RFX6: variants seen among roughly 807,000 people sequenced by gnomAD.
RFX6 encodes the protein regulatory factor X6, also known as DNA-binding protein RFX6.
In RFX6, 50 loss-of-function variants were observed where a neutral mutation model predicts 110.8. That is an observed-to-expected ratio of 0.45 (90% CI 0.36 to 0.57). The LOEUF is 0.57. Among genes scored for constraint, RFX6 ranks in the 20% least tolerant of loss-of-function variants. RFX6 has a pLI of 0.00. For missense variants in RFX6, 990 were observed against 1,127.0 expected (o/e 0.88, Z 1.74); for synonymous variants, 383 against 411.2 (o/e 0.93, Z 0.83).
intron 14 of RFX6, chr6:116,923,501 A>G: frequency 2.3e-6 from 1 of 437,650 alleles, no homozygotes; most frequent in Non-Finnish European, 4.2e-6. Flanking sequence ...TACTTTGGTG[A>G]GATGATGTAT....
At chr6:116,925,312 A>T (rs1775686635) in intron 15 of RFX6, 141 bp from the exon 16 acceptor site, 2 of 799,688 alleles carry the variant, frequency 2.5e-6, no homozygotes, top group Non-Finnish European at 4.3e-6. Context: ...TGCCAACCTC[A>T]CTTCCCATGG....
chr6:116,879,537 G>C (rs1037326371), intron 2 of RFX6, among the ~76,000 whole-genome samples: 2 of 151,622 alleles, frequency 1.3e-5, no homozygotes, highest in African/African-American at 4.8e-5. Context: ...CCTGTTCAGG[G>C]AATACTTTCT....
rs200365812 is a variant in RFX6 at position 116,931,362 on chromosome 6, C to G, written c.2643C>G (p.Ser881=). 4 of 1,613,288 alleles carry G rather than the reference C, an allele frequency of 2.5e-6. No individual in the cohort carries two copies. Among genetic ancestry groups the G allele is most frequent in the East Asian group, 2.2e-5 (1 of 44,864 alleles). Residue 881 remains serine (S), a synonymous_variant, in exon 19 of 19, where the codon TCC becomes TCG. Coordinates refer to ENST00000332958, the MANE Select transcript of RFX6 (RefSeq NM_173560.4). ...GTTTGCAAACCCCAATTCCTTCTTC[C>G]TCATCCCAATGTATGTATGGAACTT... ...ASSLQTPIPS[S]SSQCMYGTSN...
chr6:116,890,148 G>A (rs934770971), intron 4 of RFX6, among the ~76,000 whole-genome samples: 2 of 152,096 alleles, frequency 1.3e-5, no homozygotes, highest in Admixed American at 6.6e-5. Context: ...TGCATCTTGA[G>A]TGTGGAGGCA....
At chr6:116,883,687 T>C (rs1774640725) in intron 4 of RFX6, among the ~76,000 whole-genome samples, 2 of 152,144 alleles carry the variant, frequency 1.3e-5, no homozygotes. Context: ...TTTCCTGTGC[T>C]TACCCCCACA....
chr6:116,927,743 CT>C lies in RFX6; in HGVS notation c.2398+223del, dbSNP rs60638457. Among the ~76,000 whole-genome samples, 1,088 of 119,502 alleles carry C rather than the reference CT, an allele frequency of 9.1e-3. 8 individuals are homozygous for C. Among genetic ancestry groups the C allele is most frequent in the African/African-American group, 0.029 (885 of 31,040 alleles). The allele number at this position is 119,502 out of a possible 152,430, so 78.4% of individuals were successfully genotyped here. ...GGCTTTCCTAAAGTTGCCCTTCTTCCTTTTTTTTTTTTTTTTTTTGAGACAA... is the reference window on the plus strand; with the variant it reads ...GGCTTTCCTAAAGTTGCCCTTCTTCCTTTTTTTTTTTTTTTTTTGAGACAA... On this transcript the variant is annotated intron_variant, in intron 17 of 18. Transcript: ENST00000332958.
rs369032666 is a variant in RFX6, at chr6:116,910,925, T to G, written c.673-10T>G. The G allele has an allele frequency of 6.3e-7, 1 of 1,594,078 alleles. No individual in the cohort carries two copies. Among genetic ancestry groups the G allele is most frequent in the African/African-American group, 1.3e-5 (1 of 74,478 alleles). On this transcript the variant is annotated splice_polypyrimidine_tract_variant and intron_variant, in intron 6 of 18. Coordinates refer to ENST00000332958, the MANE Select transcript of RFX6 (RefSeq NM_173560.4). ...AATGATGTATTTGTTTTCATTTTTC[T>G]AAATTATAGGGTGGCTTCACTCGTA... is the stretch of plus-strand genomic sequence containing the variant.
chr6:116,914,853 C>T (rs1775429513), intron 7 of RFX6, among the ~76,000 whole-genome samples: 2 of 152,174 alleles, frequency 1.3e-5, no homozygotes, highest in Admixed American at 1.3e-4. Context: ...TTTGTTAATT[C>T]ATTTAGTCTT....
intron 11 of RFX6, 89 bp from the exon 12 acceptor site, chr6:116,920,221 C>G (rs1339977476): frequency 2.0e-6 from 2 of 1,000,618 alleles, no homozygotes; most frequent in Non-Finnish European, 1.6e-6. Flanking sequence ...ACTTTTATCT[C>G]AAGGAACTAT....
intron 6 of RFX6, among the ~76,000 whole-genome samples, chr6:116,903,656 C>T (rs1000972920): frequency 3.3e-5 from 5 of 150,894 alleles, no homozygotes; most frequent in Admixed American, 6.6e-5. Flanking sequence ...CTCTCAACAA[C>T]ATATTGTTTA....
Position 116,877,481 on chromosome 6 carries a change from C to T in RFX6, c.206C>T (p.Pro69Leu), listed in dbSNP as rs1435450890. 6.4e-7 allele frequency: 1 copy of T among 1,559,438 alleles called. No individual in the cohort carries two copies. Among genetic ancestry groups the T allele is most frequent in the Non-Finnish European group, 8.7e-7 (1 of 1,151,236 alleles). The change falls in exon 1 of 19, where the codon CCG (proline) becomes CTG (leucine). Residue 69 changes from proline (P) to leucine (L), a missense_variant. Physicochemically the swap from Pro to Leu is moderately conservative, Grantham distance 98. Transcript: ENST00000332958. Reference sequence around the variant, plus strand: ...GAGAAAGGCGAAGACCCGGAGCTGCCGGGGGCAGTGAAATCAGGTGAGTGC... The same window carrying T: ...GAGAAAGGCGAAGACCCGGAGCTGCTGGGGGCAGTGAAATCAGGTGAGTGC... ...GGEKGEDPEL[P>L]GAVKSEMHLN...
intron 6 of RFX6, among the ~76,000 whole-genome samples, chr6:116,907,017 CTT>C (rs1208832343): frequency 2.0e-5 from 3 of 151,694 alleles, no homozygotes; most frequent in Non-Finnish European, 4.4e-5. Context: ...TCATAAACAA[CTT>C]TTATTATGTT....
At chr6:116,895,119 T>C (rs553652799) in intron 5 of RFX6, 61 bp from the exon 6 acceptor site, 202 of 868,738 alleles carry the variant, frequency 2.3e-4, no homozygotes, top group Non-Finnish European at 3.2e-4. Context: ...TGTCTACATA[T>C]CATTGAATGC....
intron 2 of RFX6, among the ~76,000 whole-genome samples, chr6:116,879,162 G>C (rs1774532603): frequency 6.6e-6 from 1 of 151,592 alleles, no homozygotes; most frequent in Non-Finnish European, 1.5e-5. Context: ...TTTCTTTTAT[G>C]AATAAATGTA....
intron 6 of RFX6, among the ~76,000 whole-genome samples, chr6:116,907,254 G>T (rs1554196400): frequency 6.6e-6 from 1 of 151,830 alleles, no homozygotes; most frequent in Non-Finnish European, 1.5e-5. Flanking sequence ...GTGGAATTTG[G>T]CTTACTAATA....
chr6:116,914,397 A>G (rs1775418878), intron 7 of RFX6, among the ~76,000 whole-genome samples: 1 of 152,174 alleles, frequency 6.6e-6, no homozygotes, highest in South Asian at 2.1e-4. Context: ...GGGAGAGCAG[A>G]TATCTCTCTT....
rs772322520 is a variant in RFX6, at chr6:116,928,965, G to C, written c.2605G>C (p.Val869Leu). 6 of 1,598,394 alleles carry C rather than the reference G, an allele frequency of 3.8e-6. No homozygotes were observed. The highest frequency in any genetic ancestry group is 4.3e-6 in the Non-Finnish European group (5 of 1,165,568). The change falls in exon 18 of 19, where the codon GTC becomes CTC. Residue 869 changes from valine (V) to leucine (L), a missense_variant. Val to Leu is a conservative substitution (Grantham distance 32). This residue lies in a region of RFX6 where 438 missense variants were observed against 441.9 expected (regional missense o/e 0.99). Coordinates refer to ENST00000332958, the MANE Select transcript of RFX6 (RefSeq NM_173560.4). ...TSSPVACRTP[V>L]LASSLQTPIP... is the part of the protein sequence containing the mutation. ...ATCTCCAGTTGCATGTCGAACTCCAGTCCTAGGTAAATTATTTTAGCAGTT... is the reference window on the plus strand; with the variant it reads ...ATCTCCAGTTGCATGTCGAACTCCACTCCTAGGTAAATTATTTTAGCAGTT...
At chr6:116,878,108 A>G (rs555267235) in intron 2 of RFX6, among the ~76,000 whole-genome samples, 156 bp downstream of exon 2, 2 of 152,176 alleles carry the variant, frequency 1.3e-5, no homozygotes, top group Non-Finnish European at 2.9e-5. Context: ...TTTTCACTGA[A>G]TTTTTAGTAT....
chr6:116,922,487 A>G (rs796522188), intron 13 of RFX6, among the ~76,000 whole-genome samples: 6 of 152,342 alleles, frequency 3.9e-5, no homozygotes, highest in African/African-American at 1.4e-4. Context: ...CCGTTTCTAA[A>G]AAGCAAGATT....
Sources: allele counts gnomAD v4.1 joint callset (sites outside exome capture counted in the v4.1 genomes callset), GRCh38; gene constraint gnomAD v4.1.1; regional missense constraint gnomAD v4.1.1; transcripts MANE v1.5; gene names NCBI Gene and HGNC (gene_info 2026-07-23, HGNC 2026-07-21).